SKA3: variants seen among roughly 807,000 people sequenced by gnomAD.
SKA3 encodes the protein spindle and kinetochore associated complex subunit 3, also known as spindle and kinetochore-associated protein 3.
A neutral mutation model predicts 44.2 loss-of-function variants in SKA3; 39 were observed. The ratio of observed to expected loss-of-function variants is 0.88; its 90% CI spans 0.68 to 1.15. The LOEUF (loss-of-function observed/expected upper bound fraction) is 1.15, where lower values mean the gene tolerates loss of function less well. SKA3 is among the 50% of genes most tolerant of loss of function. The probability of loss-of-function intolerance (pLI) is 0.00; values close to 1 mark genes in which losing one functional copy is unlikely to be tolerated. For missense variants in SKA3, 511 were observed against 485.8 expected (o/e 1.05, Z -0.49); for synonymous variants, 192 against 172.0 (o/e 1.12, Z -0.91).
chr13:21,156,125 T>G (rs1814810139), intron 7 of SKA3, among the ~76,000 whole-genome samples: 1 of 148,580 alleles, frequency 6.7e-6, no homozygotes, highest in African/African-American at 2.5e-5. Flanking sequence ...AGGCGGAGGT[T>G]GCAGTGAGCT....
Position 21,168,356 on chromosome 13 carries a change from A to G in SKA3, c.375T>C (p.Asn125=), listed in dbSNP as rs759196903. Reference sequence around the variant, plus strand: ...CATCAGTCTTCTGAAAATTTTCACAATTAGACAACTCTGGGTCAGAGTTAA... The same window carrying G: ...CATCAGTCTTCTGAAAATTTTCACAGTTAGACAACTCTGGGTCAGAGTTAA... The part of the protein sequence containing the change: ...EAINSDPELS[N]CENFQKTDVK... Residue 125 remains asparagine (N), a synonymous_variant, in exon 4 of 9, where the codon AAT becomes AAC. Coordinates refer to ENST00000314759, the MANE Select transcript of SKA3 (RefSeq NM_145061.6). The G allele has an allele frequency of 1.2e-6, 2 of 1,613,976 alleles. No individual in the cohort carries two copies. The highest frequency in any genetic ancestry group is 1.7e-6 in the Non-Finnish European group (2 of 1,179,956).
At chr13:21,170,233 G>A (rs1269161008) in intron 3 of SKA3, among the ~76,000 whole-genome samples, 1 of 148,796 alleles carries the variant, frequency 6.7e-6, no homozygotes, top group Non-Finnish European at 1.5e-5. Context: ...AGGCTAGAGT[G>A]TGGTGGTGCA....
Position 21,160,000 on chromosome 13 carries a change from T to C in SKA3, c.830-13A>G, listed in dbSNP as rs1413426655. The C allele has an allele frequency of 8.5e-7, 1 of 1,178,634 alleles. No individual in the cohort carries two copies. The highest frequency in any genetic ancestry group is 1.1e-6 in the Non-Finnish European group (1 of 889,438). 73.0% of individuals were successfully genotyped at this position (1,178,634 alleles called of 1,614,324 possible). On this transcript the variant is annotated splice_polypyrimidine_tract_variant and intron_variant, in intron 5 of 8. Coordinates refer to ENST00000314759, the MANE Select transcript of SKA3 (RefSeq NM_145061.6). The stretch of plus-strand genomic sequence containing the variant: ...GTATATTCGGCATCTAAAAGACACA[T>C]AAAATGGTCATTAAAAAACTATAAC...
intron 5 of SKA3, among the ~76,000 whole-genome samples, chr13:21,161,383 TTTTC>T (rs1195852264): frequency 2.0e-5 from 3 of 152,142 alleles, no homozygotes; most frequent in Admixed American, 6.5e-5. Context: ...TGTATGAAAA[TTTTC>T]TTTAAGTTAC....
Position 21,158,120 on chromosome 13 carries a change from G to A in SKA3, c.921C>T (p.Ser307=). ...PSTKNSIALV[S]TNYPLSKTNS... The stretch of plus-strand genomic sequence containing the variant: ...TTGTTTTTGATAATGGGTAATTTGT[G>A]GATACCTATTGAATAAAAATAGACC... Residue 307 remains serine (S), a synonymous_variant, in exon 7 of 9, where the codon TCC becomes TCT. Coordinates refer to ENST00000314759, the MANE Select transcript of SKA3 (RefSeq NM_145061.6). 1 of 1,570,744 alleles carries A rather than the reference G, an allele frequency of 6.4e-7. No individual in the cohort carries two copies. The highest frequency in any genetic ancestry group is 8.8e-7 in the Non-Finnish European group (1 of 1,141,368).
chr13:21,160,809 C>T (rs906582966), intron 5 of SKA3, among the ~76,000 whole-genome samples: 1 of 152,124 alleles, frequency 6.6e-6, no homozygotes, highest in East Asian at 1.9e-4. Context: ...ACACTACCTC[C>T]TAATCAGCAA....
In SKA3 at chr13:21,157,108, T is replaced by TA. The variant is rs1037129551; in HGVS notation, c.1119+813dup. 6.1e-4 allele frequency among the ~76,000 whole-genome samples: 92 copies of TA among 151,956 alleles called. 2 individuals are homozygous for TA. Among genetic ancestry groups the TA allele is most frequent in the African/African-American group, 2.0e-3 (82 of 41,464 alleles). ...AAAAGAATTCCACACGTGTAAGTAA[T>TA]AATTGCCAAACACTGTAACTCCTAT... On this transcript the variant is annotated intron_variant, in intron 7 of 8. Coordinates refer to ENST00000314759, the MANE Select transcript of SKA3 (RefSeq NM_145061.6).
intron 6 of SKA3, 29 bp from the exon 7 acceptor site, chr13:21,158,154 A>T (rs939231200): frequency 7.3e-7 from 1 of 1,376,266 alleles, no homozygotes; most frequent in East Asian, 2.3e-5. Flanking sequence ...CCATTAAATT[A>T]TGGTAATATA....
intron 1 of SKA3, among the ~76,000 whole-genome samples, chr13:21,174,105 A>C (rs893513617): frequency 3.9e-5 from 6 of 152,226 alleles, no homozygotes; most frequent in Non-Finnish European, 8.8e-5. Flanking sequence ...GCTGGAGAGG[A>C]TGTGGAGAAA....
In SKA3 at chr13:21,155,700, C is replaced by G; in HGVS notation, c.1231G>C (p.Glu411Gln). The G allele has an allele frequency of 6.3e-7, 1 of 1,585,108 alleles. No individual in the cohort carries two copies. Among genetic ancestry groups the G allele is most frequent in the Non-Finnish European group, 8.7e-7 (1 of 1,155,144 alleles). ...GQNIRDVSNK[E>Q]N ...CAAAGGTAACATACTCACCAGTTTTCTTTGTTGCTGACATCTCGGATGTTC... is the reference window on the plus strand; with the variant it reads ...CAAAGGTAACATACTCACCAGTTTTGTTTGTTGCTGACATCTCGGATGTTC... The change falls in exon 8 of 9, where the codon GAA (glutamate) becomes CAA (glutamine). Residue 411 changes from glutamate to glutamine, a missense_variant. Glu to Gln is a conservative substitution (Grantham distance 29). Transcript: ENST00000314759.
At chr13:21,160,486 T>C (rs993230551) in intron 5 of SKA3, among the ~76,000 whole-genome samples, 14 of 148,626 alleles carry the variant, frequency 9.4e-5, no homozygotes, top group African/African-American at 3.6e-4. Context: ...CTAGAACACA[T>C]AGTATCATCG....
intron 3 of SKA3, among the ~76,000 whole-genome samples, chr13:21,168,984 T>C (rs1158053409): frequency 6.6e-6 from 1 of 152,098 alleles, no homozygotes; most frequent in Non-Finnish European, 1.5e-5. Context: ...TTTTCTTACA[T>C]CCTTAATGTG....
chr13:21,163,808 A>G (rs939787771), intron 4 of SKA3, among the ~76,000 whole-genome samples: 4 of 152,160 alleles, frequency 2.6e-5, no homozygotes, highest in Non-Finnish European at 5.9e-5. Context: ...GTGTCACCTA[A>G]GCTGGAGTGC....
intron 6 of SKA3, among the ~76,000 whole-genome samples, chr13:21,158,893 G>A (rs980807057): frequency 2.0e-5 from 3 of 152,094 alleles, no homozygotes; most frequent in African/African-American, 4.8e-5. Context: ...AGAGAGAGAC[G>A]ATAGAGTGTC....
At chr13:21,176,022 A>G (rs184196543) in intron 1 of SKA3, among the ~76,000 whole-genome samples, 36 of 152,324 alleles carry the variant, frequency 2.4e-4, no homozygotes, top group African/African-American at 7.7e-4. Flanking sequence ...ATAAATTAGT[A>G]TATGTATTAT....
At position 21,159,908 on chromosome 13, in the gene SKA3, T is replaced by A; in HGVS notation, c.909A>T (p.Ile303=). The A allele has an allele frequency of 6.2e-7, 1 of 1,604,786 alleles. No homozygotes were observed. The highest frequency in any genetic ancestry group is 8.5e-7 in the Non-Finnish European group (1 of 1,176,440). Residue 303 remains isoleucine, a synonymous_variant, in exon 6 of 9, where the codon ATA becomes ATT. Coordinates refer to ENST00000314759, the MANE Select transcript of SKA3 (RefSeq NM_145061.6). ...GLKIPSTKNS[I]ALVSTNYPLS... Reference sequence around the variant, plus strand: ...CAATTTTATGGAAAGTTACCAAAGCTATGCTGTTCTTTGTAGATGGAATTT... The same window carrying A: ...CAATTTTATGGAAAGTTACCAAAGCAATGCTGTTCTTTGTAGATGGAATTT...
In SKA3 at chr13:21,176,545, A is replaced by C; in HGVS notation, c.-68T>G. 1.0e-5 allele frequency: 10 copies of C among 992,796 alleles called. No individual in the cohort carries two copies. Among genetic ancestry groups the C allele is most frequent in the Non-Finnish European group, 1.3e-5 (10 of 754,076 alleles). 61.5% of individuals were successfully genotyped at this position (992,796 alleles called of 1,614,324 possible). On this transcript the variant is annotated 5_prime_UTR_variant, in exon 1 of 9. Coordinates refer to ENST00000314759, the MANE Select transcript of SKA3 (RefSeq NM_145061.6). ...ACCGCTCAGCTCACAGCCTCCCGCC[A>C]CTAGTTTGAATCTCGGCGCCGGACG...
At chr13:21,176,255 GT>G (rs1199619882) in intron 1 of SKA3, 119 bp downstream of exon 1, 1 of 803,440 alleles carries the variant, frequency 1.2e-6, no homozygotes, top group Non-Finnish European at 1.8e-6. Flanking sequence ...CTGCGCCTCG[GT>G]GGCAGCCGTC....
Position 21,168,070 on chromosome 13 carries a change from C to T in SKA3, c.661G>A (p.Glu221Lys). ...GTATATTCAGAGATACCAAAGTGTT[C>T]TAATTTAGGAGTTACACACTCAAAA... ...DDFECVTPKL[E>K]HFGISEYTMC... The change falls in exon 4 of 9, where the codon GAA (glutamate) becomes AAA (lysine). Residue 221 changes from glutamate (E) to lysine (K), a missense_variant. Physicochemically the swap from Glu to Lys is moderately conservative, Grantham distance 56. Coordinates refer to ENST00000314759, the MANE Select transcript of SKA3 (RefSeq NM_145061.6). 1 of 1,613,944 alleles carries T rather than the reference C, an allele frequency of 6.2e-7. No homozygotes were observed. Among genetic ancestry groups the T allele is most frequent in the Non-Finnish European group, 8.5e-7 (1 of 1,179,944 alleles).
Sources: gnomAD v4.1 joint callset for allele counts (sites outside exome capture counted in the v4.1 genomes callset) on GRCh38, gnomAD v4.1.1 for gene constraint, MANE v1.5 for transcripts, NCBI Gene and HGNC (gene_info 2026-07-23, HGNC 2026-07-21) for gene names.